SRRM4: variants seen among roughly 807,000 people sequenced by gnomAD.
SRRM4 encodes the protein serine/arginine repetitive matrix 4, also known as serine/arginine repetitive matrix protein 4.
A neutral mutation model predicts 68.9 loss-of-function variants in SRRM4; 33 were observed. The ratio of observed to expected loss-of-function variants is 0.48; its 90% confidence interval spans 0.36 to 0.64. The LOEUF is 0.64. Among genes scored for constraint, SRRM4 ranks in the 30% least tolerant of loss-of-function variants. SRRM4 has a pLI of 0.00. For synonymous variants in SRRM4, 318 were observed against 318.8 expected (o/e 1.00, Z 0.03); for missense variants, 817 against 827.1 (o/e 0.99, Z 0.15).
At chr12:119,039,584 G>T (rs1054346883) in intron 1 of SRRM4, among the ~76,000 whole-genome samples, 1 of 152,136 alleles carries the variant, frequency 6.6e-6, no homozygotes, top group Non-Finnish European at 1.5e-5. Flanking sequence ...CCCCAGTTTC[G>T]TCACTGAAAG....
intron 11 of SRRM4, 101 bp downstream of exon 11, chr12:119,153,750 C>A: frequency 1.2e-6 from 1 of 839,566 alleles, no homozygotes; most frequent in South Asian, 1.5e-5. Context: ...CCTTCTTCCT[C>A]TTAGGTCTGA....
chr12:119,137,932 G>A (rs1342923565), intron 8 of SRRM4, among the ~76,000 whole-genome samples: 1 of 151,978 alleles, frequency 6.6e-6, no homozygotes, highest in East Asian at 1.9e-4. Context: ...AGATCTGGAA[G>A]GAAGAGATGA....
Position 119,145,556 on chromosome 12 carries a change from T to C in SRRM4, c.947T>C (p.Leu316Ser). ...GQEKGSPSGG[L>S]SKSRELNSGN... ...GAGAAGGGGAGCCCCAGTGGGGGCT[T>C]GAGCAAGAGCCGGGAGCTCAACAGT... is the stretch of plus-strand genomic sequence containing the variant. The change falls in exon 9 of 13, where the codon TTG becomes TCG. Residue 316 changes from leucine to serine, a missense_variant. Leu to Ser is a moderately radical substitution (Grantham distance 145). Transcript: ENST00000267260. 1 of 1,606,224 alleles carries C rather than the reference T, an allele frequency of 6.2e-7. No homozygotes were observed. Among genetic ancestry groups the C allele is most frequent in the Non-Finnish European group, 8.5e-7 (1 of 1,175,924 alleles).
Position 119,160,892 on chromosome 12 carries a change from G to GT in SRRM4, c.*4095dup, listed in dbSNP as rs568229734. The GT allele has an allele frequency of 1.1e-4, 16 of 152,340 alleles. No individual in the cohort carries two copies. Among genetic ancestry groups the GT allele is most frequent in the African/African-American group, 3.6e-4 (15 of 41,582 alleles). The allele number at this position is 152,340 out of a possible 1,614,324, so 9.4% of individuals were successfully genotyped here. Reference sequence around the variant, plus strand: ...CTAAGTAACTCAAAGCCCCCTATTAGTAACATTCTGGTTCACTGAGGTTTG... The same window carrying GT: ...CTAAGTAACTCAAAGCCCCCTATTAGTTAACATTCTGGTTCACTGAGGTTTG... On this transcript the variant is annotated 3_prime_UTR_variant, in exon 13 of 13. Coordinates refer to ENST00000267260, the MANE Select transcript of SRRM4 (RefSeq NM_194286.4).
intron 1 of SRRM4, among the ~76,000 whole-genome samples, chr12:119,008,362 T>TAAA (rs1953428196): frequency 7.7e-6 from 1 of 129,380 alleles, no homozygotes; most frequent in African/African-American, 3.4e-5. Flanking sequence ...AGATCCTGTC[T>TAAA]CAAAAAAAAA....
intron 1 of SRRM4, among the ~76,000 whole-genome samples, chr12:119,096,117 T>C (rs1257123955): frequency 6.6e-6 from 1 of 151,442 alleles, no homozygotes; most frequent in Non-Finnish European, 1.5e-5. Flanking sequence ...GCCTTCCAGG[T>C]TCATGCCATT....
intron 1 of SRRM4, among the ~76,000 whole-genome samples, chr12:119,061,329 G>A (rs1953810905): frequency 6.6e-6 from 1 of 152,154 alleles, no homozygotes; most frequent in Non-Finnish European, 1.5e-5. Context: ...GTGTGCACTT[G>A]GGTGTGTTGG....
chr12:119,109,932 C>G (rs1188322994), intron 2 of SRRM4, among the ~76,000 whole-genome samples: 3 of 151,626 alleles, frequency 2.0e-5, no homozygotes, highest in Non-Finnish European at 4.4e-5. Context: ...CTTTTCTGCT[C>G]TGGTTTCTCC....
Position 119,116,962 on chromosome 12 carries a change from G to C in SRRM4, c.391G>C (p.Val131Leu). ...GTCCTCATCCTATAGCCCATCGCCTGTCAAGAAAAAGAAGAAGAAAAGTTC... is the reference window on the plus strand; with the variant it reads ...GTCCTCATCCTATAGCCCATCGCCTCTCAAGAAAAAGAAGAAGAAAAGTTC... ...RRSSSYSPSP[V>L]KKKKKKSSKK... Residue 131 changes from valine to leucine, a missense_variant, in exon 4 of 13, where the codon GTC becomes CTC. Val to Leu is a conservative substitution (Grantham distance 32). Transcript: ENST00000267260. 6.2e-7 allele frequency: 1 copy of C among 1,613,434 alleles called. No homozygotes were observed. The highest frequency in any genetic ancestry group is 8.5e-7 in the Non-Finnish European group (1 of 1,179,616).
chr12:119,010,265 C>T (rs2135997071), intron 1 of SRRM4, among the ~76,000 whole-genome samples: 1 of 152,320 alleles, frequency 6.6e-6, no homozygotes, highest in African/African-American at 2.4e-5. Context: ...GTTGGCCAGG[C>T]TCGTTGTGAA....
chr12:119,091,349 G>A (rs1051659502), intron 1 of SRRM4, among the ~76,000 whole-genome samples: 1 of 152,128 alleles, frequency 6.6e-6, no homozygotes, highest in African/African-American at 2.4e-5. Flanking sequence ...CACTCAGCTT[G>A]GTGGTAGGAA....
chr12:119,149,580 C>T (rs1399462978), intron 9 of SRRM4, among the ~76,000 whole-genome samples: 5 of 151,914 alleles, frequency 3.3e-5, no homozygotes, highest in South Asian at 2.1e-4. Flanking sequence ...AGACAGGGGA[C>T]GGGGGTGTCA....
At chr12:118,990,005 G>A (rs1290298637) in intron 1 of SRRM4, 2 of 152,240 alleles carry the variant, frequency 1.3e-5, no homozygotes, top group Non-Finnish European at 2.9e-5. Context: ...GTGGGAATGT[G>A]TGTGCTAAGA....
chr12:118,981,683 C>G lies in SRRM4; in HGVS notation c.-200C>G. The G allele has an allele frequency of 3.4e-6, 2 of 596,402 alleles. No individual in the cohort carries two copies. The highest frequency in any genetic ancestry group is 5.8e-6 in the Non-Finnish European group (2 of 346,518). 36.9% of individuals were successfully genotyped at this position (596,402 alleles called of 1,614,324 possible). A position where few individuals can be genotyped will look rare whatever the true frequency, so the allele number is the denominator to read the frequency against. Reference sequence around the variant, plus strand: ...GCCGACCCAGAAGGGCGAAGAAAGCCCAGCGGACGAGCCTCCTTTCTCTGC... The same window carrying G: ...GCCGACCCAGAAGGGCGAAGAAAGCGCAGCGGACGAGCCTCCTTTCTCTGC... On this transcript the variant is annotated 5_prime_UTR_variant, in exon 1 of 13. Transcript: ENST00000267260.
At chr12:119,056,664 G>C (rs781542692) in intron 1 of SRRM4, among the ~76,000 whole-genome samples, 2 of 151,082 alleles carry the variant, frequency 1.3e-5, no homozygotes, top group Non-Finnish European at 2.9e-5. Flanking sequence ...TGCACATGCT[G>C]TTCTCTCGGC....
intron 2 of SRRM4, among the ~76,000 whole-genome samples, chr12:119,103,162 A>G (rs1317042714): frequency 1.3e-5 from 2 of 152,192 alleles, no homozygotes; most frequent in South Asian, 4.1e-4. Context: ...GGCCTCTGGG[A>G]AATCTATTTC....
rs1429897909 is a variant in SRRM4 at position 119,145,626 on chromosome 12, C to T, written c.1017C>T (p.Pro339=). ...GGAACTCCTTCACCACCTCCTCACC[C>T]CAGAACAAGGGGGCCATGTTGGAGA... ...DSGNSFTTSS[P]QNKGAMLENL... The change falls in exon 9 of 13, where the codon CCC becomes CCT. Residue 339 remains proline (P), a synonymous_variant. Coordinates refer to ENST00000267260, the MANE Select transcript of SRRM4 (RefSeq NM_194286.4). 6 of 1,548,182 alleles carry T rather than the reference C, an allele frequency of 3.9e-6. No individual in the cohort carries two copies. Among genetic ancestry groups the T allele is most frequent in the Non-Finnish European group, 8.7e-7 (1 of 1,149,134 alleles).
At chr12:119,144,386 T>C (rs1179756131) in intron 8 of SRRM4, among the ~76,000 whole-genome samples, 1 of 152,162 alleles carries the variant, frequency 6.6e-6, no homozygotes, top group Admixed American at 6.5e-5. Context: ...CCCCCACCCG[T>C]CAAGGGCACT....
chr12:119,058,978 C>T (rs1468156407), intron 1 of SRRM4, among the ~76,000 whole-genome samples: 1 of 152,154 alleles, frequency 6.6e-6, no homozygotes, highest in African/African-American at 2.4e-5. Context: ...AAGTTGCCTT[C>T]AAATCCTGCA....
Sources: gnomAD v4.1 joint callset for allele counts (sites outside exome capture counted in the v4.1 genomes callset) on GRCh38, gnomAD v4.1.1 for gene constraint, MANE v1.5 for transcripts, NCBI Gene and HGNC (gene_info 2026-07-23, HGNC 2026-07-21) for gene names.